The following TEX14 variants were observed in gnomAD, a reference collection of about 807,000 sequenced individuals.
TEX14 encodes the protein testis expressed 14, intercellular bridge forming factor, also known as inactive serine/threonine-protein kinase TEX14.
TEX14 carries 168 observed loss-of-function variants against 178.6 expected under a neutral mutation model. That is an observed-to-expected ratio of 0.94 (90% CI 0.83 to 1.07). TEX14 has a LOEUF of 1.07. TEX14 is among the 50% of genes least tolerant of loss of function. The pLI, the probability that TEX14 is intolerant of heterozygous loss-of-function variation, is 0.00. For missense variants in TEX14, 1,730 were observed against 1,753.6 expected (o/e 0.99, Z 0.24); for synonymous variants, 626 against 634.1 (o/e 0.99, Z 0.19).
intron 10 of TEX14, 105 bp from the exon 11 acceptor site, chr17:58,605,234 C>T (rs1021344398): frequency 1.5e-6 from 2 of 1,371,078 alleles, no homozygotes; most frequent in Admixed American, 2.3e-5. Context: ...CCCTGTCACC[C>T]AGGCTGGAAA....
At chr17:58,593,765 AC>A in intron 14 of TEX14, 104 bp from the exon 15 acceptor site, 2 of 890,298 alleles carry the variant, frequency 2.2e-6, no homozygotes, top group Non-Finnish European at 3.6e-6. Context: ...TATAGAAATA[AC>A]CAGACCTACC....
chr17:58,650,540 T>C (rs77672314), intron 2 of TEX14, among the ~76,000 whole-genome samples: 92 of 152,318 alleles, frequency 6.0e-4, no homozygotes, highest in Middle Eastern at 3.4e-3. Context: ...ATTTTTTTGC[T>C]GTTGAGATGG....
chr17:58,691,666 C>A (rs1053304766), intron 1 of TEX14, among the ~76,000 whole-genome samples: 976 of 106,744 alleles, frequency 9.1e-3, no homozygotes, highest in Middle Eastern at 0.014. Context: ...GACTCTGTCT[C>A]AAAAAAAAAA....
At chr17:58,652,762 G>C (rs2046866457) in intron 1 of TEX14, among the ~76,000 whole-genome samples, 1 of 152,174 alleles carries the variant, frequency 6.6e-6, no homozygotes, top group East Asian at 1.9e-4. Context: ...CACAAATGCA[G>C]TCATTATGTA....
chr17:58,624,863 C>G (rs897255017), intron 3 of TEX14, among the ~76,000 whole-genome samples: 2 of 152,178 alleles, frequency 1.3e-5, no homozygotes, highest in African/African-American at 4.8e-5. Flanking sequence ...ACACCTTACA[C>G]TGACTGAAAC....
At chr17:58,595,731 G>A (rs2045263510) in intron 14 of TEX14, among the ~76,000 whole-genome samples, 1 of 152,218 alleles carries the variant, frequency 6.6e-6, no homozygotes, top group Non-Finnish European at 1.5e-5. Flanking sequence ...AGTGATGCTA[G>A]CCAATGGCCA....
intron 19 of TEX14, among the ~76,000 whole-genome samples, chr17:58,583,563 C>A (rs1225371654): frequency 2.0e-5 from 3 of 152,350 alleles, no homozygotes; most frequent in African/African-American, 2.4e-5. Context: ...CTACACCCAA[C>A]CTTCAGTGAT....
At chr17:58,609,428 A>G (rs1350604591) in intron 10 of TEX14, among the ~76,000 whole-genome samples, 1 of 152,122 alleles carries the variant, frequency 6.6e-6, no homozygotes, top group Non-Finnish European at 1.5e-5. Flanking sequence ...TTTTTAGTAG[A>G]GATGGGGTTT....
In TEX14 at chr17:58,564,914, ATAC is replaced by A. The variant is rs777175859; in HGVS notation, c.4016_4018del (p.Ser1339del). The A allele has an allele frequency of 4.5e-5, 73 of 1,608,466 alleles. No homozygotes were observed. Among genetic ancestry groups the A allele is most frequent in the Non-Finnish European group, 5.9e-5 (70 of 1,177,650 alleles). On this transcript the variant is annotated inframe_deletion, in exon 28 of 32. Transcript: ENST00000349033. ...ATCTTCAGTTTCTTTGGACAAAAGC[ATAC>A]TACTATCTTCTTTTTTACTGTCAGT... is the stretch of plus-strand genomic sequence containing the variant.
chr17:58,574,366 T>G, intron 21 of TEX14, 117 bp from the exon 22 acceptor site: 1 of 749,514 alleles, frequency 1.3e-6, no homozygotes, highest in South Asian at 1.6e-5. Flanking sequence ...GAAAGGGCAC[T>G]AAGCTCAGGA....
chr17:58,602,503 G>A lies in TEX14; in HGVS notation c.1424C>T (p.Pro475Leu), dbSNP rs377613882. 5.8e-5 allele frequency: 94 copies of A among 1,613,776 alleles called. No homozygotes were observed. Among genetic ancestry groups the A allele is most frequent in the South Asian group, 2.5e-4 (23 of 91,060 alleles). Residue 475 changes from proline to leucine, a missense_variant, in exon 12 of 32, where the codon CCG (proline) becomes CTG (leucine). Physicochemically the swap from Pro to Leu is moderately conservative, Grantham distance 98. Around this residue, in one of 2 missense-constraint regions of TEX14, gnomAD observed 789 missense variants for 681.2 expected, o/e 1.16. Transcript: ENST00000349033. ...GNYLEADVRLPKPYYDIVKSG... is the reference protein window; with the variant it reads ...GNYLEADVRLLKPYYDIVKSG... ...CTTAACAATATCATAGTAAGGTTTCGGAAGCCTGACATCAGCTTCTAAATA... is the reference window on the plus strand; with the variant it reads ...CTTAACAATATCATAGTAAGGTTTCAGAAGCCTGACATCAGCTTCTAAATA...
At chr17:58,673,986 A>G (rs1410130570) in intron 1 of TEX14, among the ~76,000 whole-genome samples, 3 of 152,122 alleles carry the variant, frequency 2.0e-5, no homozygotes, top group Non-Finnish European at 4.4e-5. Context: ...ATAAAAGGAA[A>G]CCCTGGGCCG....
In TEX14 at chr17:58,617,592, C is replaced by T. The variant is rs1222082876; in HGVS notation, c.582G>A (p.Leu194=). 6.2e-7 allele frequency: 1 copy of T among 1,613,548 alleles called. No homozygotes were observed. The highest frequency in any genetic ancestry group is 1.7e-5 in the Admixed American group (1 of 59,956). ...GAGCAGAAATGACTCCAGCTTTAAG[C>T]AGTCGGTTAGGAGAGCCATTAGGGT... ...QGNPNGSPNR[L]LKAGVISAQN... The change falls in exon 6 of 32, where the codon CTG becomes CTA. Residue 194 remains leucine, a synonymous_variant. Coordinates refer to ENST00000349033, the MANE Select transcript of TEX14 (RefSeq NM_031272.5).
chr17:58,598,315 C>CAA (rs528645875), intron 14 of TEX14, among the ~76,000 whole-genome samples: 5 of 84,090 alleles, frequency 5.9e-5, no homozygotes, highest in Non-Finnish European at 1.3e-4. Flanking sequence ...ACTCTGTCTC[C>CAA]AAAAAAAAAA....
intron 7 of TEX14, 37 bp from the exon 8 acceptor site, chr17:58,615,382 G>T: frequency 1.6e-6 from 2 of 1,256,464 alleles, no homozygotes; most frequent in South Asian, 1.2e-5. Flanking sequence ...AGAAAGGAGT[G>T]AGCAGCCACT....
chr17:58,596,959 GAAGCCTCACT>G (rs2045300606), intron 14 of TEX14, among the ~76,000 whole-genome samples: 1 of 152,122 alleles, frequency 6.6e-6, no homozygotes, highest in Non-Finnish European at 1.5e-5. Context: ...AGTGAGGACT[GAAGCCTCACT>G]AAGATTCAGT....
rs1366013358 is a variant in TEX14, at chr17:58,590,508, T to C, written c.2577-2487A>G. 2.6e-5 allele frequency among the ~76,000 whole-genome samples: 4 copies of C among 151,632 alleles called. No individual in the cohort carries two copies. In the South Asian group the frequency reaches 8.4e-4, roughly 32 times the overall value. On this transcript the variant is annotated intron_variant, in intron 15 of 31. Transcript: ENST00000349033. ...AATAAAGAATGAAGCAACCTAAAAT[T>C]CAACAATAGGTGAAATCCAACTATT...
intron 10 of TEX14, among the ~76,000 whole-genome samples, chr17:58,610,746 C>T (rs570474307): frequency 1.3e-5 from 2 of 152,028 alleles, no homozygotes; most frequent in African/African-American, 4.8e-5. Context: ...ATTAGCCAGG[C>T]GTGGTGGTGA....
At chr17:58,670,408 T>C (rs1417719066) in intron 1 of TEX14, among the ~76,000 whole-genome samples, 1 of 150,804 alleles carries the variant, frequency 6.6e-6, no homozygotes, top group Non-Finnish European at 1.5e-5. Context: ...GAAGCCTAAA[T>C]AAACTTTGGG....
Sources: gnomAD v4.1 joint callset for allele counts (sites outside exome capture counted in the v4.1 genomes callset) on GRCh38, gnomAD v4.1.1 for gene constraint, gnomAD v4.1.1 regional missense constraint, MANE v1.5 for transcripts, NCBI Gene and HGNC (gene_info 2026-07-23, HGNC 2026-07-21) for gene names.